MPP7: variants seen among roughly 807,000 people sequenced by gnomAD.
MPP7 encodes MAGUK p55 scaffold protein 7.
Under a neutral mutation model 76.5 loss-of-function variants are expected in MPP7, and 60 were observed. That is an observed-to-expected ratio of 0.78 (90% CI 0.64 to 0.97). The LOEUF (loss-of-function observed/expected upper bound fraction) is 0.97, where lower values mean the gene tolerates loss of function less well. Ranked by LOEUF, MPP7 falls within the 50% of genes least tolerant of loss-of-function variation. The pLI, the probability that MPP7 is intolerant of heterozygous loss-of-function variation, is 0.00. For missense variants in MPP7, 641 were observed against 694.0 expected (o/e 0.92, Z 0.86); for synonymous variants, 237 against 244.5 (o/e 0.97, Z 0.29).
In MPP7 at chr10:28,250,255, T is replaced by C. The variant is rs1030852917; in HGVS notation, c.-131-11520A>G. On this transcript the variant is annotated intron_variant, in intron 1 of 16. Coordinates refer to ENST00000683449, the MANE Select transcript of MPP7 (RefSeq NM_001318170.2). Reference sequence around the variant, plus strand: ...GTGTCTGTAATTTATGCAAAAATACTTCAGCAGAGAGGCGGAGGAGAGGGA... The same window carrying C: ...GTGTCTGTAATTTATGCAAAAATACCTCAGCAGAGAGGCGGAGGAGAGGGA... 5.9e-5 allele frequency among the ~76,000 whole-genome samples: 9 copies of C among 152,166 alleles called. No individual in the cohort carries two copies. In the East Asian group the frequency reaches 7.7e-4, roughly 13 times the overall value.
upstream of MPP7, chr10:28,334,631 G>A (rs1285098937): frequency 2.0e-5 from 3 of 152,164 alleles, no homozygotes; most frequent in African/African-American, 7.2e-5. Flanking sequence ...AAAATGCTGT[G>A]TGGAATTTAA....
At chr10:28,091,859 G>A (rs1853323291) in intron 11 of MPP7, among the ~76,000 whole-genome samples, 1 of 152,104 alleles carries the variant, frequency 6.6e-6, no homozygotes, top group African/African-American at 2.4e-5. Flanking sequence ...ATTGTATTAG[G>A]TATTACAAGT....
In MPP7 at chr10:28,212,079, C is replaced by G. The variant is rs532655656; in HGVS notation, c.38-9808G>C. ...AGTGAGCCATGATTGCACCACTGCT[C>G]TCTGGCCTGGGCAACAGAATGAGAC... On this transcript the variant is annotated intron_variant, in intron 2 of 16. Transcript: ENST00000683449. Among the ~76,000 whole-genome samples, 50 of 151,890 alleles carry G rather than the reference C, an allele frequency of 3.3e-4. 1 individual carries two copies. The highest frequency in any genetic ancestry group is 1.2e-3 in the African/African-American group (50 of 41,408).
At chr10:28,120,130 T>G (rs1834785553) in intron 10 of MPP7, 64 bp downstream of exon 10, 1 of 1,501,144 alleles carries the variant, frequency 6.7e-7, no homozygotes, top group East Asian at 2.3e-5. Context: ...AATGCCAGAA[T>G]GATATTTTGC....
chr10:28,089,888 AG>A (rs1853213147), intron 11 of MPP7, 47 bp from the exon 12 acceptor site: 1 of 999,502 alleles, frequency 1.0e-6, no homozygotes, highest in African/African-American at 1.7e-5. Context: ...CAACCAAAAA[AG>A]AAACCCTCAA....
At position 28,120,220 on chromosome 10, in the gene MPP7, C is replaced by T; in HGVS notation, c.861G>A (p.Leu287=). The T allele has an allele frequency of 6.2e-7, 1 of 1,613,946 alleles. No homozygotes were observed. The highest frequency in any genetic ancestry group is 8.5e-7 in the Non-Finnish European group (1 of 1,179,896). The change falls in exon 10 of 17, where the codon TTG becomes TTA. Residue 287 remains leucine (L), a synonymous_variant. Coordinates refer to ENST00000683449, the MANE Select transcript of MPP7 (RefSeq NM_001318170.2). ...HEADANPRAG[L]IPSKHFQERR... ...TTTCCTGGAAATGCTTTGAGGGGAT[C>T]AAGCCTGCCCTGGGGTTGGCATCAG...
At chr10:28,204,081 C>T (rs1332866783) in intron 2 of MPP7, among the ~76,000 whole-genome samples, 2 of 152,152 alleles carry the variant, frequency 1.3e-5, no homozygotes, top group South Asian at 4.1e-4. Flanking sequence ...GAGCATTTCA[C>T]GTAACTTAAC....
intron 1 of MPP7, among the ~76,000 whole-genome samples, chr10:28,261,303 G>T (rs1031631925): frequency 3.3e-5 from 5 of 152,148 alleles, no homozygotes; most frequent in Non-Finnish European, 7.3e-5. Flanking sequence ...CACTGGGGTG[G>T]AACCCTATGG....
Position 28,226,007 on chromosome 10 carries a change from T to C in MPP7, c.37+12561A>G, listed in dbSNP as rs1245005265. On this transcript the variant is annotated intron_variant, in intron 2 of 16. Transcript: ENST00000683449. The stretch of plus-strand genomic sequence containing the variant: ...TCTCACATGTCCACCAACTGATAAA[T>C]GGATACACAAAATGCAGTATATACA... 5.3e-5 allele frequency among the ~76,000 whole-genome samples: 8 copies of C among 152,090 alleles called. No individual in the cohort carries two copies. In the East Asian group the frequency reaches 1.5e-3, roughly 29 times the overall value.
At chr10:28,094,059 G>GCTAA (rs1390299665) in intron 11 of MPP7, among the ~76,000 whole-genome samples, 1 of 152,136 alleles carries the variant, frequency 6.6e-6, no homozygotes, top group East Asian at 1.9e-4. Context: ...GGTGTCAAAG[G>GCTAA]CTAACGCTCT....
chr10:28,231,460 T>C (rs1231120750), intron 2 of MPP7, among the ~76,000 whole-genome samples: 1 of 151,234 alleles, frequency 6.6e-6, no homozygotes, highest in Non-Finnish European at 1.5e-5. Flanking sequence ...ATAAGTTTTA[T>C]ATCTAAAAAG....
intron 2 of MPP7, among the ~76,000 whole-genome samples, chr10:28,215,682 T>G (rs1471959790): frequency 6.6e-6 from 1 of 152,038 alleles, no homozygotes; most frequent in African/African-American, 2.4e-5. Context: ...TAATTACAAA[T>G]CCCAGCTCTG....
intron 1 of MPP7, among the ~76,000 whole-genome samples, chr10:28,260,877 T>G (rs1839930018): frequency 6.6e-6 from 1 of 151,958 alleles, no homozygotes; most frequent in Non-Finnish European, 1.5e-5. Flanking sequence ...GCATTTCAAC[T>G]CAGTGTGAGT....
intron 1 of MPP7, among the ~76,000 whole-genome samples, chr10:28,281,382 C>T (rs2133096406): frequency 6.6e-6 from 1 of 152,184 alleles, no homozygotes; most frequent in African/African-American, 2.4e-5. Context: ...AGCCACTGCA[C>T]CAGGCCTAAT....
rs1384346512 is a variant in MPP7, at chr10:28,131,679, C to T, written c.328G>A (p.Val110Ile). 8.2e-6 allele frequency: 13 copies of T among 1,588,704 alleles called. 1 individual carries two copies. The East Asian group carries it at 3.0e-4, about 37-fold the overall frequency. ...TTCTTCTGAGCCACAGTATCATGTA[C>T]AGAGAGCAAAGCCTGTAATATTCAA... ...SKPNVKALLS[V>I]HDTVAQKNYD... is the part of the protein sequence containing the mutation. The change falls in exon 6 of 17, where the codon GTA (valine) becomes ATA (isoleucine). Residue 110 changes from valine (V) to isoleucine (I), a missense_variant. Val to Ile is a conservative substitution (Grantham distance 29). Transcript: ENST00000683449.
intron 12 of MPP7, among the ~76,000 whole-genome samples, chr10:28,088,902 G>GTC (rs1853150068): frequency 6.6e-6 from 1 of 152,116 alleles, no homozygotes; most frequent in Non-Finnish European, 1.5e-5. Flanking sequence ...TTGAGACAGA[G>GTC]TCTCGCTCTG....
At chr10:28,262,636 C>T (rs765633477) in intron 1 of MPP7, among the ~76,000 whole-genome samples, 19 of 152,204 alleles carry the variant, frequency 1.2e-4, no homozygotes, top group Middle Eastern at 3.4e-3. Flanking sequence ...AAGAAACATT[C>T]GCTAGTTACA....
intron 2 of MPP7, among the ~76,000 whole-genome samples, chr10:28,205,468 T>C (rs1311537298): frequency 6.6e-6 from 1 of 152,186 alleles, no homozygotes; most frequent in Non-Finnish European, 1.5e-5. Flanking sequence ...AGAATTTACC[T>C]AAATCTACTT....
intron 12 of MPP7, among the ~76,000 whole-genome samples, chr10:28,077,760 A>T (rs1331771468): frequency 6.6e-6 from 1 of 152,250 alleles, no homozygotes; most frequent in African/African-American, 2.4e-5. Flanking sequence ...ACATATAAGT[A>T]GATTACTCTG....
Sources: gnomAD v4.1 joint callset for allele counts (sites outside exome capture counted in the v4.1 genomes callset) on GRCh38, gnomAD v4.1.1 for gene constraint, MANE v1.5 for transcripts, NCBI Gene and HGNC (gene_info 2026-07-23, HGNC 2026-07-21) for gene names.